Variants in LRP1B observed in about 807,000 individuals in gnomAD.
LRP1B encodes low-density lipoprotein receptor-related protein 1B.
In LRP1B, 217 loss-of-function variants were observed where a neutral mutation model predicts 556.6. The ratio of observed to expected loss-of-function variants is 0.39; its 90% confidence interval spans 0.35 to 0.44. The LOEUF is 0.44. Ranked by LOEUF, LRP1B falls within the 20% of genes least tolerant of loss-of-function variation. The pLI is 1.00. For synonymous variants in LRP1B, 2,047 were observed against 1,865.8 expected (o/e 1.10, Z -2.50); for missense variants, 5,053 against 5,620.8 (o/e 0.90, Z 3.23).
intron 1 of LRP1B, among the ~76,000 whole-genome samples, chr2:142,116,343 T>C (rs1337487092): frequency 6.6e-6 from 1 of 151,994 alleles, no homozygotes; most frequent in African/African-American, 2.4e-5. Context: ...ATGCATAATT[T>C]CCATTTGATC....
chr2:142,104,807 C>G (rs1427008825), intron 1 of LRP1B, among the ~76,000 whole-genome samples: 1 of 152,130 alleles, frequency 6.6e-6, no homozygotes, highest in Non-Finnish European at 1.5e-5. Context: ...GTAAACAACT[C>G]ATGTCTTCTT....
Position 140,516,985 on chromosome 2 carries a change from T to A in LRP1B, c.8053A>T (p.Asn2685Tyr), listed in dbSNP as rs2104939515. The change falls in exon 50 of 91, where the codon AAT (asparagine) becomes TAT (tyrosine). Residue 2685 changes from asparagine (N) to tyrosine (Y), a missense_variant. This residue lies in a region of LRP1B where 3,619 missense variants were observed against 3,931.9 expected (regional missense o/e 0.92). Coordinates refer to ENST00000389484, the MANE Select transcript of LRP1B (RefSeq NM_018557.3). ...CTTCCACTAGGACAACTAAAATAAT[T>A]TTCTTCACATTTGTGTTTGTTTTGA... ...PVQNKHKCEE[N>Y]YFSCPSGRCI... The A allele has an allele frequency of 6.3e-7, 1 of 1,594,772 alleles. No homozygotes were observed. Among genetic ancestry groups the A allele is most frequent in the Non-Finnish European group, 8.6e-7 (1 of 1,162,580 alleles).
At chr2:141,165,138 A>G (rs1480620780) in intron 7 of LRP1B, among the ~76,000 whole-genome samples, 1 of 152,036 alleles carries the variant, frequency 6.6e-6, no homozygotes, top group Non-Finnish European at 1.5e-5. Context: ...AAACACCTAG[A>G]TTAAAAGTAG....
intron 41 of LRP1B, among the ~76,000 whole-genome samples, chr2:140,641,819 T>C (rs1050545236): frequency 6.6e-6 from 1 of 152,234 alleles, no homozygotes; most frequent in Non-Finnish European, 1.5e-5. Flanking sequence ...TTGTTTTTAC[T>C]TTTAAAAATA....
At chr2:141,013,998 G>A (rs1330275689) in intron 13 of LRP1B, among the ~76,000 whole-genome samples, 1 of 151,964 alleles carries the variant, frequency 6.6e-6, no homozygotes, top group Non-Finnish European at 1.5e-5. Context: ...TTTTATCAAT[G>A]TAAATTCTTT....
chr2:140,334,953 A>G (rs996122836), intron 78 of LRP1B, among the ~76,000 whole-genome samples: 7 of 151,990 alleles, frequency 4.6e-5, no homozygotes, highest in African/African-American at 1.7e-4. Context: ...TTTTTTATAG[A>G]GAAGTAACTA....
chr2:141,767,522 G>A (rs761645045), intron 2 of LRP1B, among the ~76,000 whole-genome samples: 17 of 152,030 alleles, frequency 1.1e-4, no homozygotes, highest in South Asian at 4.1e-4. Context: ...TGAATAGACC[G>A]TTCATTTCTT....
intron 43 of LRP1B, among the ~76,000 whole-genome samples, chr2:140,571,159 T>C (rs972475072): frequency 2.0e-5 from 3 of 151,738 alleles, no homozygotes; most frequent in African/African-American, 4.8e-5. Context: ...TGTCTCAGTC[T>C]GAGCAATTAG....
chr2:142,043,095 G>C (rs1205857473), intron 1 of LRP1B, among the ~76,000 whole-genome samples: 1 of 151,444 alleles, frequency 6.6e-6, no homozygotes, highest in African/African-American at 2.4e-5. Flanking sequence ...ATCATAATCT[G>C]TCAAAAACTA....
chr2:141,274,746 CA>C (rs943574648), intron 3 of LRP1B, among the ~76,000 whole-genome samples: 9 of 151,834 alleles, frequency 5.9e-5, no homozygotes, highest in South Asian at 4.2e-4. Context: ...AAATCACATA[CA>C]AAAAAACTAG....
chr2:141,211,412 G>C (rs921252535), intron 6 of LRP1B, among the ~76,000 whole-genome samples: 35 of 151,158 alleles, frequency 2.3e-4, no homozygotes, highest in African/African-American at 8.3e-4. Flanking sequence ...ACGAGGTCAG[G>C]AGTTTGAGAC....
chr2:141,001,050 C>A (rs546841826), intron 15 of LRP1B, among the ~76,000 whole-genome samples: 1 of 151,920 alleles, frequency 6.6e-6, no homozygotes, highest in African/African-American at 2.4e-5. Context: ...AATTAAAAAA[C>A]CAAGTAGAAA....
At chr2:142,064,785 G>T (rs995504026) in intron 1 of LRP1B, among the ~76,000 whole-genome samples, 1 of 151,444 alleles carries the variant, frequency 6.6e-6, no homozygotes, top group Non-Finnish European at 1.5e-5. Flanking sequence ...ATCAAGAATT[G>T]ACTTCAGATG....
intron 18 of LRP1B, among the ~76,000 whole-genome samples, chr2:140,961,587 T>C (rs2105315574): frequency 6.6e-6 from 1 of 152,206 alleles, no homozygotes; most frequent in East Asian, 1.9e-4. Context: ...ATGTCTTTAT[T>C]AAAAATTAGA....
intron 1 of LRP1B, among the ~76,000 whole-genome samples, chr2:141,923,378 A>T (rs1700241199): frequency 8.8e-6 from 1 of 113,454 alleles, no homozygotes; most frequent in African/African-American, 3.6e-5. Flanking sequence ...GCTAATATAA[A>T]TTTTTAATGA....
At chr2:141,330,553 C>A (rs1486658167) in intron 3 of LRP1B, among the ~76,000 whole-genome samples, 2 of 152,070 alleles carry the variant, frequency 1.3e-5, no homozygotes. Flanking sequence ...ATATCTTGTT[C>A]TTTTCCTAAC....
At chr2:140,407,958 A>G (rs1684815997) in intron 66 of LRP1B, among the ~76,000 whole-genome samples, 1 of 152,020 alleles carries the variant, frequency 6.6e-6, no homozygotes, top group Admixed American at 6.6e-5. Flanking sequence ...AGTGGATAAA[A>G]AAAATATGGC....
At chr2:140,887,401 T>C (rs1693667986) in intron 23 of LRP1B, among the ~76,000 whole-genome samples, 1 of 152,176 alleles carries the variant, frequency 6.6e-6, no homozygotes. Flanking sequence ...GGTTCAGATA[T>C]CATTCAATTG....
intron 11 of LRP1B, among the ~76,000 whole-genome samples, chr2:141,042,021 C>T (rs553701189): frequency 1.3e-5 from 2 of 152,174 alleles, no homozygotes; most frequent in South Asian, 4.1e-4. Context: ...GGGCATTGTT[C>T]AGCATACCAC....
Sources: gnomAD v4.1 joint callset for allele counts (sites outside exome capture counted in the v4.1 genomes callset) on GRCh38, gnomAD v4.1.1 for gene constraint, gnomAD v4.1.1 regional missense constraint, MANE v1.5 for transcripts, NCBI Gene and HGNC (gene_info 2026-07-23, HGNC 2026-07-21) for gene names.